The following PVT1 variants were observed in gnomAD, a reference collection of about 807,000 sequenced individuals.
PVT1 encodes Pvt1 oncogene.
chr8:127,797,446 G>T (rs1011691043), intron 2 of PVT1, among the ~76,000 whole-genome samples: 4 of 152,262 alleles, frequency 2.6e-5, no homozygotes, highest in Admixed American at 1.3e-4. Flanking sequence ...ACTGAGGATG[G>T]GAACAGAGCA....
rs149843691 is a variant in PVT1 at position 127,963,636 on chromosome 8, C to G, written n.783-25526C>G. Among the ~76,000 whole-genome samples the G allele has an allele frequency of 1.3e-3, 193 of 152,044 alleles. 4 individuals are homozygous for G. The South Asian group carries it at 0.016, about 13-fold the overall frequency. ...ATATTGAAACCAACTTTGTACATCT[C>G]CACTCTGACTTCTGGGCCTATTTAA... On this transcript the variant is annotated intron_variant and non_coding_transcript_variant, in intron 3 of 10. Transcript: ENST00000651587.
rs115809476 is a variant in PVT1 at position 127,849,062 on chromosome 8, C to T, written n.373-41527C>T. 3.9e-3 allele frequency among the ~76,000 whole-genome samples: 599 copies of T among 152,268 alleles called. 5 individuals carry two copies. The highest frequency in any genetic ancestry group is 0.013 in the African/African-American group (557 of 41,528). On this transcript the variant is annotated intron_variant and non_coding_transcript_variant, in intron 2 of 10. Coordinates refer to ENST00000651587, the Ensembl canonical transcript of PVT1. Reference sequence around the variant, plus strand: ...CAGCTAGTCTCTTTCTCTGTGCCAACCCTGATTGGTTGGGTGGCTGCTGAG... The same window carrying T: ...CAGCTAGTCTCTTTCTCTGTGCCAATCCTGATTGGTTGGGTGGCTGCTGAG...
At chr8:128,057,514 T>C (rs1335827286) in intron 4 of PVT1, among the ~76,000 whole-genome samples, 1 of 152,148 alleles carries the variant, frequency 6.6e-6, no homozygotes, top group African/African-American at 2.4e-5. Flanking sequence ...AATGTACAGA[T>C]TGTCTTTGGG....
chr8:127,826,149 C>T (rs1008663175), intron 2 of PVT1, among the ~76,000 whole-genome samples: 5 of 151,460 alleles, frequency 3.3e-5, no homozygotes, highest in Middle Eastern at 3.4e-3. Context: ...CATGAGCTAC[C>T]GCTACACCCA....
rs183121746 is a variant in PVT1, at chr8:127,901,849, G to A, written n.782+10851G>A. Among the ~76,000 whole-genome samples the A allele has an allele frequency of 9.0e-4, 137 of 151,404 alleles. 2 individuals are homozygous for A. Among genetic ancestry groups the A allele is most frequent in the Admixed American group, 8.2e-3 (124 of 15,210 alleles). Reference sequence around the variant, plus strand: ...AGTCCTGAGCTCAAGCGATCCTCCTGCCTTGTTCTCCCAAAGTGCTGGGAT... The same window carrying A: ...AGTCCTGAGCTCAAGCGATCCTCCTACCTTGTTCTCCCAAAGTGCTGGGAT... On this transcript the variant is annotated intron_variant and non_coding_transcript_variant, in intron 3 of 10. Transcript: ENST00000651587.
intron 4 of PVT1, among the ~76,000 whole-genome samples, chr8:128,019,660 C>T (rs79608664): frequency 5.2e-4 from 79 of 152,266 alleles, no homozygotes; most frequent in African/African-American, 1.6e-3. Context: ...TTTTTATTTA[C>T]GGTATCACGG....
chr8:127,906,345 T>C (rs986883432), intron 3 of PVT1, among the ~76,000 whole-genome samples: 1 of 152,204 alleles, frequency 6.6e-6, no homozygotes, highest in Non-Finnish European at 1.5e-5. Context: ...TCATTTGCTC[T>C]CTAGTTAGCA....
Position 127,924,630 on chromosome 8 carries a change from G to A in PVT1, n.782+33632G>A, listed in dbSNP as rs1005390115. Among the ~76,000 whole-genome samples, 4 of 150,852 alleles carry A rather than the reference G, an allele frequency of 2.7e-5. No individual in the cohort carries two copies. In the South Asian group the frequency reaches 6.3e-4, roughly 24 times the overall value. On this transcript the variant is annotated intron_variant and non_coding_transcript_variant, in intron 3 of 10. Transcript: ENST00000651587. ...GTGTTCATGCCATTCTCCTGCCTCAGCCTCCTGAGTAGCTGGGACTACAGG... is the reference window on the plus strand; with the variant it reads ...GTGTTCATGCCATTCTCCTGCCTCAACCTCCTGAGTAGCTGGGACTACAGG...
intron 2 of PVT1, among the ~76,000 whole-genome samples, chr8:127,853,407 C>T (rs1396029107): frequency 1.3e-5 from 2 of 152,080 alleles, no homozygotes; most frequent in South Asian, 2.1e-4. Flanking sequence ...TAGCTCAGTC[C>T]AGTTGAGGCA....
At chr8:127,875,550 T>A (rs551887741) in intron 2 of PVT1, among the ~76,000 whole-genome samples, 1 of 152,328 alleles carries the variant, frequency 6.6e-6, no homozygotes, top group East Asian at 1.9e-4. Context: ...ATGTGCTCAA[T>A]AATTTATTTT....
intron 3 of PVT1, among the ~76,000 whole-genome samples, chr8:127,901,068 G>A (rs1201555244): frequency 1.3e-5 from 2 of 152,330 alleles, no homozygotes; most frequent in East Asian, 1.9e-4. Context: ...GGCCTGGAGT[G>A]GGGGTGTGAA....
At chr8:127,944,888 T>G (rs1816400792) in intron 3 of PVT1, among the ~76,000 whole-genome samples, 1 of 152,168 alleles carries the variant, frequency 6.6e-6, no homozygotes, top group South Asian at 2.1e-4. Context: ...ATTGGTTCCT[T>G]CCCTCCCCGT....
At chr8:127,926,755 C>T (rs892156662) in intron 3 of PVT1, among the ~76,000 whole-genome samples, 1 of 152,234 alleles carries the variant, frequency 6.6e-6, no homozygotes, top group Non-Finnish European at 1.5e-5. Flanking sequence ...CAACACGTTC[C>T]CTTTCCTGAG....
At chr8:127,824,028 A>G (rs1814761016) in intron 2 of PVT1, among the ~76,000 whole-genome samples, 1 of 152,176 alleles carries the variant, frequency 6.6e-6, no homozygotes, top group South Asian at 2.1e-4. Context: ...GCCTGTCTCT[A>G]CAAAACATTA....
intron 3 of PVT1, among the ~76,000 whole-genome samples, chr8:127,928,516 G>A (rs938761739): frequency 2.6e-4 from 40 of 152,224 alleles, no homozygotes; most frequent in African/African-American, 9.2e-4. Context: ...TGAGTTAAAA[G>A]TGTGACCAAA....
intron 4 of PVT1, chr8:128,049,150 G>A (rs777029444): frequency 1.9e-6 from 1 of 530,008 alleles, no homozygotes; most frequent in Admixed American, 2.0e-5. Context: ...AGGCCTCCAT[G>A]TGCAGGGCTG....
intron 2 of PVT1, among the ~76,000 whole-genome samples, chr8:127,814,314 A>G (rs1226096764): frequency 6.6e-6 from 1 of 152,214 alleles, no homozygotes; most frequent in African/African-American, 2.4e-5. Flanking sequence ...TCCAGAATCC[A>G]GGAGCCTGCC....
chr8:127,949,262 T>C (rs1295914673), intron 3 of PVT1, among the ~76,000 whole-genome samples: 3 of 152,070 alleles, frequency 2.0e-5, no homozygotes, highest in African/African-American at 7.2e-5. Context: ...AATAAGACTA[T>C]GTAGGTGAAG....
chr8:128,078,587 C>T (rs896784913), intron 5 of PVT1, among the ~76,000 whole-genome samples: 1 of 152,152 alleles, frequency 6.6e-6, no homozygotes, highest in Non-Finnish European at 1.5e-5. Context: ...TATTAGCCAT[C>T]TAGCTTTACT....
Sources: gnomAD v4.1 joint callset for allele counts (sites outside exome capture counted in the v4.1 genomes callset) on GRCh38, gnomAD v4.1.1 for gene constraint, MANE v1.5 for transcripts, NCBI Gene and HGNC (gene_info 2026-07-23, HGNC 2026-07-21) for gene names.